Variants in EYS observed in about 807,000 individuals in gnomAD.
EYS encodes the protein EGF-like photoreceptor maintenance factor.
A neutral mutation model predicts 282.1 loss-of-function variants in EYS; 250 were observed. That is an observed-to-expected ratio of 0.89 (90% CI 0.80 to 0.98). The LOEUF is 0.98. Ranked by LOEUF, EYS falls within the 50% of genes least tolerant of loss-of-function variation. EYS has a pLI of 0.00. For synonymous variants in EYS, 1,355 were observed against 1,282.9 expected (o/e 1.06, Z -1.20); for missense variants, 4,016 against 3,709.0 (o/e 1.08, Z -2.15).
chr6:63,788,343 T>C (rs1770421702), intron 38 of EYS, 94 bp from the exon 39 acceptor site: 1 of 1,057,816 alleles, frequency 9.5e-7, no homozygotes, highest in Non-Finnish European at 1.3e-6. Flanking sequence ...TAACTTGGCA[T>C]GAAAAATTTA....
chr6:64,414,091 C>T (rs1773990749), intron 28 of EYS, among the ~76,000 whole-genome samples: 1 of 152,116 alleles, frequency 6.6e-6, no homozygotes, highest in Non-Finnish European at 1.5e-5. Context: ...TTATAAGCTA[C>T]CCAGTTCATA....
At chr6:64,350,910 G>A (rs994598295) in intron 29 of EYS, among the ~76,000 whole-genome samples, 7 of 151,476 alleles carry the variant, frequency 4.6e-5, no homozygotes, top group South Asian at 2.1e-4. Flanking sequence ...GAGTTCTCAC[G>A]GTATCTGATG....
At chr6:64,621,096 T>A (rs1016732920) in intron 23 of EYS, among the ~76,000 whole-genome samples, 18 of 152,076 alleles carry the variant, frequency 1.2e-4, no homozygotes, top group Non-Finnish European at 5.9e-5. Context: ...ACTGCAACCT[T>A]AAACTCCTGG....
At position 64,857,760 on chromosome 6, in the gene EYS, G is replaced by A. The variant is rs1766110135; in HGVS notation, c.2992+28937C>T. Among the ~76,000 whole-genome samples, 4 of 152,054 alleles carry A rather than the reference G, an allele frequency of 2.6e-5. No individual in the cohort carries two copies. In the South Asian group the frequency reaches 8.3e-4, roughly 31 times the overall value. ...AGTTCCCTTTTTTCTCCATGTCCAT[G>A]CCAACATTGGTTCTCTTTCTTTTTT... is the stretch of plus-strand genomic sequence containing the variant. On this transcript the variant is annotated intron_variant, in intron 19 of 42. Coordinates refer to ENST00000503581, the MANE Select transcript of EYS (RefSeq NM_001142800.2).
At chr6:65,406,336 T>C (rs537947014) in intron 5 of EYS, among the ~76,000 whole-genome samples, 17 of 152,266 alleles carry the variant, frequency 1.1e-4, no homozygotes, top group Admixed American at 9.8e-4. Context: ...AAGTCCTTTA[T>C]GATATACGTG....
At chr6:63,858,696 G>C (rs1772455507) in intron 36 of EYS, among the ~76,000 whole-genome samples, 1 of 152,120 alleles carries the variant, frequency 6.6e-6, no homozygotes, top group Non-Finnish European at 1.5e-5. Flanking sequence ...CAAGGAACTG[G>C]AAAATAAAGA....
At chr6:64,259,935 T>C (rs1320406997) in intron 30 of EYS, among the ~76,000 whole-genome samples, 1 of 152,064 alleles carries the variant, frequency 6.6e-6, no homozygotes, top group Non-Finnish European at 1.5e-5. Flanking sequence ...AACTGCATGC[T>C]TCCCTTCAAT....
intron 38 of EYS, 63 bp from the exon 39 acceptor site, chr6:63,788,312 T>C: frequency 7.7e-7 from 1 of 1,305,294 alleles, no homozygotes; most frequent in Non-Finnish European, 1.0e-6. Context: ...AATGTTAAGA[T>C]ACTCTTTTGT....
intron 16 of EYS, among the ~76,000 whole-genome samples, chr6:64,905,397 A>C (rs1344739451): frequency 6.6e-6 from 1 of 152,168 alleles, no homozygotes; most frequent in East Asian, 1.9e-4. Flanking sequence ...CTTTATTCCT[A>C]CTCAGAACTA....
chr6:64,849,914 T>A (rs1453098411), intron 19 of EYS, among the ~76,000 whole-genome samples: 2 of 109,576 alleles, frequency 1.8e-5, no homozygotes, highest in Non-Finnish European at 3.9e-5. Context: ...AGGAGCCCCT[T>A]TTTTATATAA....
intron 35 of EYS, among the ~76,000 whole-genome samples, chr6:63,968,450 T>C (rs766145825): frequency 2.9e-4 from 44 of 151,404 alleles, no homozygotes; most frequent in Non-Finnish European, 4.9e-4. Flanking sequence ...GTGTGGAAAC[T>C]TTCTTTTTTT....
At chr6:65,060,766 A>G (rs529464781) in intron 12 of EYS, among the ~76,000 whole-genome samples, 2 of 136,636 alleles carry the variant, frequency 1.5e-5, no homozygotes, top group Non-Finnish European at 3.1e-5. Context: ...GTGTATATAC[A>G]TGTGTATATA....
chr6:65,384,123 T>C (rs192358083), intron 8 of EYS, among the ~76,000 whole-genome samples: 165 of 152,044 alleles, frequency 1.1e-3, no homozygotes, highest in African/African-American at 3.9e-3. Flanking sequence ...TTTTATATAC[T>C]AAGAAGTATA....
intron 2 of EYS, among the ~76,000 whole-genome samples, chr6:65,497,130 T>A (rs1766284166): frequency 6.6e-6 from 1 of 152,074 alleles, no homozygotes; most frequent in Non-Finnish European, 1.5e-5. Flanking sequence ...ATTATCAATC[T>A]TGCTAAAGGT....
chr6:64,871,324 C>CAAA (rs35970126), intron 19 of EYS, among the ~76,000 whole-genome samples: 89 of 131,912 alleles, frequency 6.7e-4, no homozygotes, highest in Admixed American at 9.1e-4. Flanking sequence ...AGTTGCTTCT[C>CAAA]AAAAAAAAAA....
At chr6:64,981,799 G>C (rs981049995) in intron 14 of EYS, among the ~76,000 whole-genome samples, 4 of 151,290 alleles carry the variant, frequency 2.6e-5, no homozygotes, top group African/African-American at 9.7e-5. Context: ...CCTTGGCTTT[G>C]GGTTAGAAGG....
At chr6:64,350,783 AG>A (rs1397223838) in intron 29 of EYS, among the ~76,000 whole-genome samples, 1 of 151,568 alleles carries the variant, frequency 6.6e-6, no homozygotes, top group Non-Finnish European at 1.5e-5. Context: ...TCCCCATGCA[AG>A]TCTCATCTTG....
chr6:64,857,778 T>C (rs559958174), intron 19 of EYS, among the ~76,000 whole-genome samples: 1 of 152,300 alleles, frequency 6.6e-6, no homozygotes, highest in African/African-American at 2.4e-5. Context: ...TGGTTCTCTT[T>C]CTTTTTTGTT....
rs1765642357 is a variant in EYS, at chr6:65,382,258, T to C, written c.1299+2128A>G. 2.6e-5 allele frequency among the ~76,000 whole-genome samples: 4 copies of C among 151,192 alleles called. 1 individual carries two copies. In the South Asian group the frequency reaches 8.4e-4, roughly 32 times the overall value. Reference sequence around the variant, plus strand: ...GCTCCATTTTATTCTCAAGAAGTTTTATAAATTTCTCTTTAACTCTCAGGT... The same window carrying C: ...GCTCCATTTTATTCTCAAGAAGTTTCATAAATTTCTCTTTAACTCTCAGGT... On this transcript the variant is annotated intron_variant, in intron 8 of 42. Transcript: ENST00000503581.
Sources: allele counts gnomAD v4.1 joint callset (sites outside exome capture counted in the v4.1 genomes callset), GRCh38; gene constraint gnomAD v4.1.1; transcripts MANE v1.5; gene names NCBI Gene and HGNC (gene_info 2026-07-23, HGNC 2026-07-21).